The following GCSH variants were observed in gnomAD, a reference collection of about 807,000 sequenced individuals.
GCSH encodes glycine cleavage system H protein, mitochondrial.
Under a neutral mutation model 21.3 loss-of-function variants are expected in GCSH, and 15 were observed. That is an observed-to-expected ratio of 0.70 (90% CI 0.47 to 1.08). The LOEUF is 1.08. Among genes scored for constraint, GCSH ranks in the 50% least tolerant of loss-of-function variants. The probability of loss-of-function intolerance (pLI) is 0.00; values close to 1 mark genes in which losing one functional copy is unlikely to be tolerated. For synonymous variants in GCSH, 59 were observed against 84.5 expected, an observed-to-expected ratio of 0.70 and a Z score of 1.66; for missense variants, 179 against 217.5, an observed-to-expected ratio of 0.82 and a Z score of 1.11.
At position 81,081,965 on chromosome 16, in the gene GCSH, G is replaced by C. The variant is rs889099313; in HGVS notation, c.*901C>G. The C allele has an allele frequency of 1.1e-5, 5 of 450,082 alleles. No homozygotes were observed. The highest frequency in any genetic ancestry group is 1.0e-4 in the African/African-American group (5 of 49,928). The allele number at this position is 450,082 out of a possible 1,614,324, so 27.9% of individuals were successfully genotyped here. On this transcript the variant is annotated 3_prime_UTR_variant, in exon 5 of 5. Transcript: ENST00000315467. ...CATTATCTGAGCTCATAAAGCTTCAGTCCTTGTCCACTTTTATTCCCATGA... is the reference window on the plus strand; with the variant it reads ...CATTATCTGAGCTCATAAAGCTTCACTCCTTGTCCACTTTTATTCCCATGA...
At chr16:81,083,529 A>C (rs1972212166) in intron 4 of GCSH, 1 of 160,670 alleles carries the variant, frequency 6.2e-6, no homozygotes, top group Non-Finnish European at 1.4e-5. Flanking sequence ...AAAAATAATA[A>C]AAATAAGTCC....
rs944771024 is a variant in GCSH, at chr16:81,082,419, G to T, written c.*447C>A. 9.5e-5 allele frequency: 36 copies of T among 380,100 alleles called. No individual in the cohort carries two copies. The highest frequency in any genetic ancestry group is 7.8e-4 in the African/African-American group (36 of 46,306). The allele number at this position is 380,100 out of a possible 1,614,324, so 23.5% of individuals were successfully genotyped here. ...TGCAGTGTATCGCAAAATTAAGATA[G>T]TGGTGTTCCTCATCTGACACTGTAC... is the stretch of plus-strand genomic sequence containing the variant. On this transcript the variant is annotated 3_prime_UTR_variant, in exon 5 of 5. Transcript: ENST00000315467.
At chr16:81,088,501 C>T (rs554410398) in intron 2 of GCSH, among the ~76,000 whole-genome samples, 3 of 152,176 alleles carry the variant, frequency 2.0e-5, no homozygotes, top group South Asian at 4.1e-4. Flanking sequence ...CAGGTTCAAG[C>T]GATTCTCCTG....
At chr16:81,090,516 G>T (rs1397218900) in intron 2 of GCSH, 85 bp downstream of exon 2, 2 of 941,832 alleles carry the variant, frequency 2.1e-6, no homozygotes, top group East Asian at 4.8e-5. Flanking sequence ...GCCACCTCAC[G>T]CAGCCTAAAC....
chr16:81,082,361 G>A lies in GCSH; in HGVS notation c.*505C>T, dbSNP rs1972183061. On this transcript the variant is annotated 3_prime_UTR_variant, in exon 5 of 5. Coordinates refer to ENST00000315467, the MANE Select transcript of GCSH (RefSeq NM_004483.5). ...TATTTTATTATTTTGCTGCAAAGCT[G>A]TTGCTTCACTGTATAAAAATAGCAC... 1.2e-5 allele frequency: 5 copies of A among 426,560 alleles called. No individual in the cohort carries two copies. Among genetic ancestry groups the A allele is most frequent in the Admixed American group, 2.7e-5 (1 of 37,202 alleles). The allele number at this position is 426,560 out of a possible 1,614,324, so 26.4% of individuals were successfully genotyped here. A position where few individuals can be genotyped will look rare whatever the true frequency, so the allele number is the denominator to read the frequency against.
chr16:81,087,761 G>A, intron 2 of GCSH, 97 bp from the exon 3 acceptor site: 1 of 829,434 alleles, frequency 1.2e-6, no homozygotes, highest in Non-Finnish European at 2.1e-6. Flanking sequence ...CTATAATGAA[G>A]ATTTAGTATA....
At chr16:81,093,980 C>A (rs1972451488) in intron 1 of GCSH, among the ~76,000 whole-genome samples, 1 of 151,992 alleles carries the variant, frequency 6.6e-6, no homozygotes, top group African/African-American at 2.4e-5. Flanking sequence ...AGGCTCGCTG[C>A]AACCTCTGCC....
intron 1 of GCSH, among the ~76,000 whole-genome samples, chr16:81,093,505 C>T (rs1972440747): frequency 6.6e-6 from 1 of 152,000 alleles, no homozygotes; most frequent in Admixed American, 6.6e-5. Flanking sequence ...AAATTGTTGG[C>T]CCCAAGTTTA....
chr16:81,089,809 A>C (rs893200977), intron 2 of GCSH, among the ~76,000 whole-genome samples: 3 of 152,340 alleles, frequency 2.0e-5, no homozygotes, highest in Admixed American at 2.0e-4. Flanking sequence ...TGGGCTGAAT[A>C]AAAGCCTTCC....
chr16:81,082,943 G>C lies in GCSH; in HGVS notation c.445C>G (p.Leu149Val). 3 of 1,574,346 alleles carry C rather than the reference G, an allele frequency of 1.9e-6. No individual in the cohort carries two copies. Among genetic ancestry groups the C allele is most frequent in the Non-Finnish European group, 2.6e-6 (3 of 1,143,998 alleles). Reference protein sequence around the residue: ...YEDGWLIKMTLSNPSELDELM... With the variant: ...YEDGWLIKMTVSNPSELDELM... Reference sequence around the variant, plus strand: ...TCATCTAGTTCTGAAGGGTTACTCAGTGTCATCTTGATCAGCCAACCTGCA... The same window carrying C: ...TCATCTAGTTCTGAAGGGTTACTCACTGTCATCTTGATCAGCCAACCTGCA... The change falls in exon 5 of 5, where the codon CTG (leucine) becomes GTG (valine). Residue 149 changes from leucine (L) to valine (V), a missense_variant. Leu to Val is a conservative substitution (Grantham distance 32). Transcript: ENST00000315467.
At chr16:81,093,795 C>T (rs1210726602) in intron 1 of GCSH, among the ~76,000 whole-genome samples, 1 of 151,878 alleles carries the variant, frequency 6.6e-6, no homozygotes, top group Non-Finnish European at 1.5e-5. Context: ...GATTCAAAGA[C>T]CTAAGTCTTT....
chr16:81,083,836 T>TA (rs1479462696), intron 4 of GCSH: 1 of 151,812 alleles, frequency 6.6e-6, no homozygotes, highest in African/African-American at 2.4e-5. Context: ...TATATTTTTT[T>TA]ACCTCCCATG....
chr16:81,095,629 T>TCCTCGGCCTCCCAAAGTGCTGGGATTC (rs61361276), intron 1 of GCSH, among the ~76,000 whole-genome samples: 1 of 150,354 alleles, frequency 6.7e-6, no homozygotes. Context: ...TGATCCGCCC[T>TCCTCGGCCTCCCAAAGTGCTGGGATTC]CCGGCATGAG....
At chr16:81,095,730 T>C (rs1335862656) in intron 1 of GCSH, among the ~76,000 whole-genome samples, 4 of 152,164 alleles carry the variant, frequency 2.6e-5, no homozygotes, top group Non-Finnish European at 5.9e-5. Flanking sequence ...TTTAGTAAAC[T>C]AAAGGCCTCC....
At chr16:81,094,819 T>C (rs1316710639) in intron 1 of GCSH, among the ~76,000 whole-genome samples, 1 of 152,138 alleles carries the variant, frequency 6.6e-6, no homozygotes, top group East Asian at 1.9e-4. Context: ...ATTGTTGGCC[T>C]GGCGCGGTGA....
chr16:81,088,838 T>G (rs1374134389), intron 2 of GCSH, among the ~76,000 whole-genome samples: 1 of 152,200 alleles, frequency 6.6e-6, no homozygotes, highest in Non-Finnish European at 1.5e-5. Flanking sequence ...CACCTTGTAC[T>G]CCCTGAAGTC....
chr16:81,093,282 G>A (rs1375239496), intron 1 of GCSH, among the ~76,000 whole-genome samples: 1 of 152,064 alleles, frequency 6.6e-6, no homozygotes, highest in Non-Finnish European at 1.5e-5. Flanking sequence ...GCAGTTTGAA[G>A]CTAAAACACC....
At position 81,087,482 on chromosome 16, in the gene GCSH, A is replaced by G. The variant is rs1018014457; in HGVS notation, c.292+119T>C. 6 of 766,828 alleles carry G rather than the reference A, an allele frequency of 7.8e-6. No individual in the cohort carries two copies. The East Asian group carries it at 1.1e-4, about 14-fold the overall frequency. 47.5% of individuals were successfully genotyped at this position (766,828 alleles called of 1,614,324 possible). Reference sequence around the variant, plus strand: ...CACTGCACTCCAGCCTGGGTGACAAAGCAAGACTGTCTCCAAAAAAAAAAA... The same window carrying G: ...CACTGCACTCCAGCCTGGGTGACAAGGCAAGACTGTCTCCAAAAAAAAAAA... On this transcript the variant is annotated intron_variant, in intron 3 of 4. Coordinates refer to ENST00000315467, the MANE Select transcript of GCSH (RefSeq NM_004483.5).
At chr16:81,087,756 A>G (rs1972312910) in intron 2 of GCSH, 92 bp from the exon 3 acceptor site, 1 of 839,592 alleles carries the variant, frequency 1.2e-6, no homozygotes, top group Non-Finnish European at 2.0e-6. Flanking sequence ...ATCCCCTATA[A>G]TGAAGATTTA....
Sources: gnomAD v4.1 joint callset for allele counts (sites outside exome capture counted in the v4.1 genomes callset) on GRCh38, gnomAD v4.1.1 for gene constraint, MANE v1.5 for transcripts, NCBI Gene and HGNC (gene_info 2026-07-23, HGNC 2026-07-21) for gene names.